Variants in SCAMP5 observed in about 807,000 individuals in gnomAD.
SCAMP5 encodes the protein secretory carrier membrane protein 5, also known as secretory carrier-associated membrane protein 5.
Under a neutral mutation model 28.3 loss-of-function variants are expected in SCAMP5, and 7 were observed. That is an observed-to-expected ratio of 0.25 (90% CI 0.14 to 0.46). SCAMP5 has a LOEUF of 0.46. Ranked by LOEUF, SCAMP5 falls within the 20% of genes least tolerant of loss-of-function variation. The pLI, the probability that SCAMP5 is intolerant of heterozygous loss-of-function variation, is 0.99. For synonymous variants in SCAMP5, 117 were observed against 116.4 expected (o/e 1.00, Z -0.03); for missense variants, 192 against 312.5 (o/e 0.61, Z 2.91).
intron 1 of SCAMP5, among the ~76,000 whole-genome samples, chr15:74,999,490 G>C (rs867173424): frequency 2.0e-5 from 3 of 152,154 alleles, no homozygotes; most frequent in African/African-American, 7.2e-5. Flanking sequence ...GGGTGTGTGT[G>C]GGGGAGGTGG....
chr15:75,000,311 C>T (rs1251934838), intron 1 of SCAMP5, among the ~76,000 whole-genome samples: 2 of 152,176 alleles, frequency 1.3e-5, no homozygotes, highest in Non-Finnish European at 2.9e-5. Flanking sequence ...GCTCACAATC[C>T]TCCCACCTCA....
Position 75,018,448 on chromosome 15 carries a change from A to C in SCAMP5, c.426A>C (p.Gly142=). The part of the protein sequence containing the change: ...CGWIATISFF[G]TNIGSAVVML... ...GGATTGCTACCATCTCCTTCTTCGG[A>C]ACGAACATTGGCTCGGCGGTGGTGA... is the stretch of plus-strand genomic sequence containing the variant. The change falls in exon 6 of 7, where the codon GGA becomes GGC. Residue 142 remains glycine, a synonymous_variant. Coordinates refer to ENST00000425597, the MANE Select transcript of SCAMP5 (RefSeq NM_138967.4). This position sits in a 1 kb window ranked among gnomAD's most constrained non-coding sequence, Gnocchi z 5.6. 6.2e-7 allele frequency: 1 copy of C among 1,613,742 alleles called. No homozygotes were observed. The highest frequency in any genetic ancestry group is 8.5e-7 in the Non-Finnish European group (1 of 1,179,714).
chr15:75,012,813 C>T lies in SCAMP5; in HGVS notation c.136+8C>T. ...TCTACTACCTCTGGATGTGTGAGTG[C>T]CATGGGATGGGGGTGGGCCAGGGTG... On this transcript the variant is annotated splice_region_variant and intron_variant, in intron 3 of 6. Coordinates refer to ENST00000425597, the MANE Select transcript of SCAMP5 (RefSeq NM_138967.4). 2.5e-6 allele frequency: 4 copies of T among 1,613,898 alleles called. No individual in the cohort carries two copies. Among genetic ancestry groups the T allele is most frequent in the Non-Finnish European group, 2.5e-6 (3 of 1,179,782 alleles).
chr15:75,012,037 G>C (rs1321433708), intron 2 of SCAMP5, among the ~76,000 whole-genome samples, 191 bp downstream of exon 2: 2 of 152,330 alleles, frequency 1.3e-5, no homozygotes, highest in East Asian at 3.9e-4. Context: ...CTAGCCCTCT[G>C]TCAGATCTTT....
At position 75,000,683 on chromosome 15, in the gene SCAMP5, C is replaced by CTTT. The variant is rs58106804; in HGVS notation, c.-49+5027_-49+5029dup. Among the ~76,000 whole-genome samples, 563 of 120,262 alleles carry CTTT rather than the reference C, an allele frequency of 4.7e-3. 11 individuals carry two copies. The highest frequency in any genetic ancestry group is 0.027 in the South Asian group (91 of 3,410). 78.9% of individuals were successfully genotyped at this position (120,262 alleles called of 152,430 possible). On this transcript the variant is annotated intron_variant, in intron 1 of 6. Transcript: ENST00000425597. ...ACAGGCGTGAGCCATCGCACCCAGCCTTTTTTTTTTTTTTTTTTTGAAGAG... is the reference window on the plus strand; with the variant it reads ...ACAGGCGTGAGCCATCGCACCCAGCCTTTTTTTTTTTTTTTTTTTTTTGAAGAG...
At chr15:75,006,255 C>T (rs1189688852) in intron 1 of SCAMP5, among the ~76,000 whole-genome samples, 1 of 151,764 alleles carries the variant, frequency 6.6e-6, no homozygotes, top group African/African-American at 2.4e-5. Context: ...CCTCGGCCTC[C>T]CAAAGTGCTA....
chr15:75,006,499 A>G (rs1202322193), intron 1 of SCAMP5, among the ~76,000 whole-genome samples: 2 of 145,774 alleles, frequency 1.4e-5, no homozygotes, highest in African/African-American at 5.1e-5. Flanking sequence ...CTAAAAATAC[A>G]ACAATTGGCC....
chr15:75,014,660 T>A (rs1345685010), intron 3 of SCAMP5, among the ~76,000 whole-genome samples: 1 of 151,792 alleles, frequency 6.6e-6, no homozygotes, highest in African/African-American at 2.4e-5. Flanking sequence ...AATAAGAAAA[T>A]GAGTAATGAA....
At chr15:75,003,786 G>C (rs1416173610) in intron 1 of SCAMP5, among the ~76,000 whole-genome samples, 1 of 152,014 alleles carries the variant, frequency 6.6e-6, no homozygotes, top group Non-Finnish European at 1.5e-5. Context: ...CTCCAGCCTG[G>C]GTGACAAAGT....
chr15:75,016,516 C>T (rs1456239788), intron 3 of SCAMP5, 77 bp from the exon 4 acceptor site: 3 of 1,379,480 alleles, frequency 2.2e-6, no homozygotes, highest in African/African-American at 2.9e-5. Flanking sequence ...TGTGTGTGCC[C>T]ATGTCCGGGT....
intron 4 of SCAMP5, among the ~76,000 whole-genome samples, chr15:75,017,063 G>A (rs2141455769): frequency 6.6e-6 from 1 of 152,132 alleles, no homozygotes; most frequent in Admixed American, 6.5e-5. Flanking sequence ...TTGCCTGTGG[G>A]GCTGCCTGTC....
Position 75,018,067 on chromosome 15 carries a change from C to A in SCAMP5, c.395+96C>A. 1 of 758,884 alleles carries A rather than the reference C, an allele frequency of 1.3e-6. No homozygotes were observed. The highest frequency in any genetic ancestry group is 2.3e-6 in the Non-Finnish European group (1 of 437,624). 47.0% of individuals were successfully genotyped at this position (758,884 alleles called of 1,614,324 possible). A position where few individuals can be genotyped will look rare whatever the true frequency, so the allele number is the denominator to read the frequency against. On this transcript the variant is annotated intron_variant, in intron 5 of 6. Coordinates refer to ENST00000425597, the MANE Select transcript of SCAMP5 (RefSeq NM_138967.4). This position sits in a 1 kb window ranked among gnomAD's most constrained non-coding sequence, Gnocchi z 5.6. ...GTGCTAAGCTGTCTAGCCTATGGGG[C>A]CTGAGTGATGGGTTGTTGGGAGAGT...
rs2065899124 is a variant in SCAMP5 at position 75,020,878 on chromosome 15, T to C, written c.*1895T>C. 6.6e-6 allele frequency: 1 copy of C among 152,192 alleles called. No homozygotes were observed. Among genetic ancestry groups the C allele is most frequent in the East Asian group, 1.9e-4 (1 of 5,174 alleles). 9.4% of individuals were successfully genotyped at this position (152,192 alleles called of 1,614,324 possible). A position where few individuals can be genotyped will look rare whatever the true frequency, so the allele number is the denominator to read the frequency against. ...GTCCTTTAGGTTTGGGCACAAAATA[T>C]AATTGCCTCTCCCCTCTCCCATTTT... is the stretch of plus-strand genomic sequence containing the variant. On this transcript the variant is annotated 3_prime_UTR_variant, in exon 7 of 7. Transcript: ENST00000425597.
chr15:75,017,326 A>G (rs145247913), intron 4 of SCAMP5, among the ~76,000 whole-genome samples: 45 of 152,136 alleles, frequency 3.0e-4, no homozygotes, highest in East Asian at 1.7e-3. Context: ...CTATTCATCA[A>G]TGTACCAAGG....
Position 75,016,736 on chromosome 15 carries a change from T to C in SCAMP5, c.280T>C (p.Tyr94His). ...CTACGTCTGCTGGTTTCGGCCCATT[T>C]ACAAGGCCTTCAAGTAAGTGGTTGG... ...CSYVCWFRPI[Y>H]KAFKTDSSFS... Residue 94 changes from tyrosine to histidine, a missense_variant, in exon 4 of 7, where the codon TAC becomes CAC. Coordinates refer to ENST00000425597, the MANE Select transcript of SCAMP5 (RefSeq NM_138967.4). 6.2e-7 allele frequency: 1 copy of C among 1,613,666 alleles called. No homozygotes were observed. The highest frequency in any genetic ancestry group is 8.5e-7 in the Non-Finnish European group (1 of 1,179,728).
In SCAMP5 at chr15:75,018,552, A is replaced by T; in HGVS notation, c.513+17A>T. On this transcript the variant is annotated intron_variant, in intron 6 of 6. Transcript: ENST00000425597. The surrounding 1 kb of genome is among the most constrained non-coding windows in gnomAD (Gnocchi z 5.6). ...CTCAGCATGGTACGTGGTCCCCTCA[A>T]GGGTGAGAAGGTGGCTTTGGGAAGG... 6.5e-7 allele frequency: 1 copy of T among 1,533,980 alleles called. No individual in the cohort carries two copies. Among genetic ancestry groups the T allele is most frequent in the Non-Finnish European group, 9.0e-7 (1 of 1,107,060 alleles).
intron 1 of SCAMP5, among the ~76,000 whole-genome samples, chr15:75,003,575 C>T (rs2065729151): frequency 6.6e-6 from 1 of 152,148 alleles, no homozygotes; most frequent in South Asian, 2.1e-4. Flanking sequence ...GTTGGGAAGC[C>T]AGGGCGGGTA....
chr15:75,011,733 A>T, intron 1 of SCAMP5, 59 bp from the exon 2 acceptor site: 2 of 872,534 alleles, frequency 2.3e-6, no homozygotes, highest in Non-Finnish European at 1.9e-6. Context: ...AGGAGTAGAG[A>T]GGGACTGGGT....
intron 3 of SCAMP5, chr15:75,013,033 C>T (rs2065826964): frequency 3.6e-6 from 2 of 556,928 alleles, no homozygotes; most frequent in Non-Finnish European, 6.4e-6. Flanking sequence ...CTAGGCCTCT[C>T]TTCCCTTCCT....
Sources: allele counts gnomAD v4.1 joint callset (sites outside exome capture counted in the v4.1 genomes callset), GRCh38; gene constraint gnomAD v4.1.1; non-coding constraint Gnocchi (gnomAD v3.1); transcripts MANE v1.5; gene names NCBI Gene and HGNC (gene_info 2026-07-23, HGNC 2026-07-21).